Variants in ITGB8 observed in about 807,000 individuals in gnomAD.
ITGB8 encodes integrin beta-8.
Under a neutral mutation model 89.5 loss-of-function variants are expected in ITGB8, and 30 were observed. That is an observed-to-expected ratio of 0.34 (90% CI 0.25 to 0.45). The LOEUF (loss-of-function observed/expected upper bound fraction) is 0.45, where lower values mean the gene tolerates loss of function less well. Among genes scored for constraint, ITGB8 ranks in the 20% least tolerant of loss-of-function variants. The pLI is 1.00. For synonymous variants in ITGB8, 335 were observed against 320.4 expected, an observed-to-expected ratio of 1.05 and a Z score of -0.49; for missense variants, 836 against 933.3, an observed-to-expected ratio of 0.90 and a Z score of 1.36.
chr7:20,354,318 A>C (rs773147294), intron 1 of ITGB8, among the ~76,000 whole-genome samples: 7 of 152,202 alleles, frequency 4.6e-5, no homozygotes, highest in African/African-American at 1.7e-4. Flanking sequence ...ATGAAGAAAT[A>C]TATCTCTTTA....
chr7:20,368,313 C>T (rs1330909911), intron 3 of ITGB8, among the ~76,000 whole-genome samples: 1 of 152,060 alleles, frequency 6.6e-6, no homozygotes, highest in Non-Finnish European at 1.5e-5. Context: ...TATTTAGTGT[C>T]GTAAATAAAT....
chr7:20,341,981 C>A (rs1157607940), intron 1 of ITGB8, among the ~76,000 whole-genome samples: 1 of 151,972 alleles, frequency 6.6e-6, no homozygotes, highest in Non-Finnish European at 1.5e-5. Flanking sequence ...GGATGTTACA[C>A]TCCTCCTTCT....
chr7:20,395,809 G>A (rs970468762), intron 8 of ITGB8, among the ~76,000 whole-genome samples: 1 of 152,182 alleles, frequency 6.6e-6, no homozygotes, highest in Non-Finnish European at 1.5e-5. Context: ...CTTATCAAAG[G>A]TTGTTCAACT....
At chr7:20,401,596 CT>C in intron 9 of ITGB8, 124 bp from the exon 10 acceptor site, 1 of 580,142 alleles carries the variant, frequency 1.7e-6, no homozygotes, top group Non-Finnish European at 2.8e-6. Context: ...ACATGTGTTT[CT>C]TTTACAAATA....
chr7:20,363,265 A>G (rs1286091730), intron 1 of ITGB8, among the ~76,000 whole-genome samples: 1 of 152,200 alleles, frequency 6.6e-6, no homozygotes, highest in Non-Finnish European at 1.5e-5. Context: ...CAAAGCACCT[A>G]TTTGTTTCAG....
At chr7:20,361,629 T>C (rs1360235038) in intron 1 of ITGB8, among the ~76,000 whole-genome samples, 3 of 152,190 alleles carry the variant, frequency 2.0e-5, no homozygotes, top group Non-Finnish European at 4.4e-5. Context: ...GTTCAACATA[T>C]GAATTTGGGG....
chr7:20,385,223 G>A (rs76516908), intron 6 of ITGB8, among the ~76,000 whole-genome samples: 3,047 of 152,314 alleles, frequency 0.02, 114 homozygotes, highest in African/African-American at 0.069. Flanking sequence ...GAACAAGTAT[G>A]TGGAGGTCAT....
intron 7 of ITGB8, among the ~76,000 whole-genome samples, chr7:20,394,552 T>C (rs1003496622): frequency 2.0e-5 from 3 of 152,224 alleles, no homozygotes; most frequent in African/African-American, 4.8e-5. Context: ...CCAAGCTCAT[T>C]TGCCCTCAAA....
intron 3 of ITGB8, among the ~76,000 whole-genome samples, chr7:20,378,798 C>G (rs1484602368): frequency 6.6e-6 from 1 of 152,086 alleles, no homozygotes. Flanking sequence ...TATCCCTATT[C>G]AGCCTATAGA....
rs1444224298 is a variant in ITGB8, at chr7:20,391,430, G to A, written c.988G>A (p.Glu330Lys). Residue 330 changes from glutamate to lysine, a missense_variant, in exon 7 of 14, where the codon GAG (glutamate) becomes AAG (lysine). Around this residue, in one of 5 missense-constraint regions of ITGB8, gnomAD observed 192 missense variants for 267.1 expected, o/e 0.72. Coordinates refer to ENST00000222573, the MANE Select transcript of ITGB8 (RefSeq NM_002214.3). ...MEHPSLGQLS[E>K]KLIDNNINVI... is the part of the protein sequence containing the mutation. ...ACACCCCTCACTAGGCCAACTTTCAGAGAAATTAATAGACAACAACATTAA... is the reference window on the plus strand; with the variant it reads ...ACACCCCTCACTAGGCCAACTTTCAAAGAAATTAATAGACAACAACATTAA... 6.2e-7 allele frequency: 1 copy of A among 1,601,502 alleles called. No homozygotes were observed. Among genetic ancestry groups the A allele is most frequent in the Admixed American group, 1.7e-5 (1 of 58,882 alleles).
At chr7:20,409,549 ACTTGATAGACT>A in intron 12 of ITGB8, 55 bp from the exon 13 acceptor site, 1 of 1,058,386 alleles carries the variant, frequency 9.4e-7, no homozygotes, top group Non-Finnish European at 1.4e-6. Flanking sequence ...AACATTATTT[ACTTGATAGACT>A]CTTTGATTTA....
At chr7:20,407,741 G>A (rs1371367704) in intron 12 of ITGB8, among the ~76,000 whole-genome samples, 2 of 152,130 alleles carry the variant, frequency 1.3e-5, no homozygotes, top group Non-Finnish European at 2.9e-5. Context: ...ATTATGTTAA[G>A]TAAACACTAC....
At chr7:20,374,499 A>G (rs867578382) in intron 3 of ITGB8, among the ~76,000 whole-genome samples, 112 of 152,020 alleles carry the variant, frequency 7.4e-4, no homozygotes, top group Middle Eastern at 3.4e-3. Flanking sequence ...AAAAAAAAAA[A>G]AAAGATAAAG....
chr7:20,402,375 T>G (rs1787350023), intron 10 of ITGB8, among the ~76,000 whole-genome samples: 1 of 152,238 alleles, frequency 6.6e-6, no homozygotes, highest in East Asian at 1.9e-4. Context: ...GTTATTCTCA[T>G]GCTTTCCTTG....
At position 20,412,402 on chromosome 7, in the gene ITGB8, A is replaced by G. The variant is rs1051565390; in HGVS notation, c.*2405A>G. ...ATGCCTGACAACCCTCCAAAAGAAA[A>G]AAGTGTAAGATAGCCATTAAGATGA... is the stretch of plus-strand genomic sequence containing the variant. On this transcript the variant is annotated 3_prime_UTR_variant, in exon 14 of 14. Coordinates refer to ENST00000222573, the MANE Select transcript of ITGB8 (RefSeq NM_002214.3). 2 of 152,532 alleles carry G rather than the reference A, an allele frequency of 1.3e-5. No individual in the cohort carries two copies. Among genetic ancestry groups the G allele is most frequent in the Non-Finnish European group, 2.9e-5 (2 of 68,038 alleles). The allele number at this position is 152,532 out of a possible 1,614,324, so 9.4% of individuals were successfully genotyped here.
chr7:20,387,806 C>G (rs962328204), intron 6 of ITGB8, among the ~76,000 whole-genome samples: 2 of 152,164 alleles, frequency 1.3e-5, no homozygotes, highest in Non-Finnish European at 2.9e-5. Flanking sequence ...TATGTAGATA[C>G]AAAATTAACT....
rs1006928725 is a variant in ITGB8, at chr7:20,412,169, T to A, written c.*2172T>A. On this transcript the variant is annotated 3_prime_UTR_variant, in exon 14 of 14. Coordinates refer to ENST00000222573, the MANE Select transcript of ITGB8 (RefSeq NM_002214.3). The stretch of plus-strand genomic sequence containing the variant: ...CTATAATAAGTTGTTCTGGAGCCAA[T>A]AAACACAGCAGCTCTGTTAGATGTC... The A allele has an allele frequency of 3.3e-5, 5 of 152,586 alleles. No homozygotes were observed. The highest frequency in any genetic ancestry group is 3.3e-4 in the Admixed American group (5 of 15,272). The allele number at this position is 152,586 out of a possible 1,614,324, so 9.5% of individuals were successfully genotyped here.
intron 7 of ITGB8, among the ~76,000 whole-genome samples, chr7:20,394,371 C>A (rs1196329206): frequency 6.6e-6 from 1 of 152,128 alleles, no homozygotes; most frequent in Non-Finnish European, 1.5e-5. Flanking sequence ...AGAACACATA[C>A]CCCATGAAGT....
At chr7:20,363,384 T>A (rs1785576852) in intron 1 of ITGB8, among the ~76,000 whole-genome samples, 1 of 152,098 alleles carries the variant, frequency 6.6e-6, no homozygotes, top group African/African-American at 2.4e-5. Flanking sequence ...CTGACCAAAA[T>A]CAGATTTTTG....
Sources: gnomAD v4.1 joint callset for allele counts (sites outside exome capture counted in the v4.1 genomes callset) on GRCh38, gnomAD v4.1.1 for gene constraint, gnomAD v4.1.1 regional missense constraint, MANE v1.5 for transcripts, NCBI Gene and HGNC (gene_info 2026-07-23, HGNC 2026-07-21) for gene names.